The following FAM13C variants were observed in gnomAD, a reference collection of about 807,000 sequenced individuals.
FAM13C encodes the protein family with sequence similarity 13 member C.
In FAM13C, 37 loss-of-function variants were observed where a neutral mutation model predicts 73.2. That is an observed-to-expected ratio of 0.51 (90% CI 0.39 to 0.67). FAM13C has a LOEUF of 0.67. FAM13C is among the 30% of genes least tolerant of loss of function. The pLI, the probability that FAM13C is intolerant of heterozygous loss-of-function variation, is 0.00. For missense variants in FAM13C, 589 were observed against 715.6 expected, an observed-to-expected ratio of 0.82 and a Z score of 2.02; for synonymous variants, 246 against 260.9, an observed-to-expected ratio of 0.94 and a Z score of 0.55.
intron 6 of FAM13C, 104 bp from the exon 7 acceptor site, chr10:59,270,213 C>G: frequency 8.8e-7 from 1 of 1,131,934 alleles, no homozygotes; most frequent in East Asian, 2.5e-5. Context: ...TGGCTTGCCT[C>G]TTTGTCATTT....
At chr10:59,293,896 A>T (rs894703342) in intron 5 of FAM13C, among the ~76,000 whole-genome samples, 1 of 152,234 alleles carries the variant, frequency 6.6e-6, no homozygotes, top group Admixed American at 6.5e-5. Context: ...AAACATTTCA[A>T]AGGTCACAGC....
At chr10:59,348,608 T>C (rs576876361) in intron 3 of FAM13C, among the ~76,000 whole-genome samples, 1 of 152,288 alleles carries the variant, frequency 6.6e-6, no homozygotes, top group East Asian at 1.9e-4. Flanking sequence ...GACTTGCCTA[T>C]TGAGTTTAAT....
At chr10:59,340,799 G>A (rs1354610311) in intron 3 of FAM13C, among the ~76,000 whole-genome samples, 1 of 151,302 alleles carries the variant, frequency 6.6e-6, no homozygotes, top group Non-Finnish European at 1.5e-5. Flanking sequence ...TGGTGCAAAA[G>A]TAACTGCGGT....
At chr10:59,295,438 A>G (rs1012095793) in intron 5 of FAM13C, among the ~76,000 whole-genome samples, 3 of 152,208 alleles carry the variant, frequency 2.0e-5, no homozygotes, top group African/African-American at 7.2e-5. Flanking sequence ...CTAGAAGCTG[A>G]GAGCTGCCCT....
At chr10:59,341,390 C>T (rs980800265) in intron 3 of FAM13C, among the ~76,000 whole-genome samples, 2 of 152,054 alleles carry the variant, frequency 1.3e-5, no homozygotes, top group South Asian at 4.2e-4. Flanking sequence ...CATCTTTGTT[C>T]CTGAAAGAAA....
At chr10:59,348,295 A>T (rs1278889480) in intron 3 of FAM13C, among the ~76,000 whole-genome samples, 1 of 152,220 alleles carries the variant, frequency 6.6e-6, no homozygotes, top group East Asian at 1.9e-4. Context: ...TGTAGCTGCA[A>T]CATAAGCCCA....
intron 3 of FAM13C, among the ~76,000 whole-genome samples, chr10:59,335,642 A>T (rs1564602643): frequency 6.6e-6 from 1 of 152,240 alleles, no homozygotes. Context: ...CCAGTCCCTA[A>T]CAACAGATGC....
intron 3 of FAM13C, among the ~76,000 whole-genome samples, chr10:59,341,477 C>T (rs942632050): frequency 1.3e-5 from 2 of 152,078 alleles, no homozygotes; most frequent in Non-Finnish European, 2.9e-5. Flanking sequence ...CACCTGAGGT[C>T]GGGAGCTCAA....
intron 4 of FAM13C, chr10:59,323,373 G>T (rs1850606926): frequency 6.5e-6 from 1 of 153,098 alleles, no homozygotes. Context: ...TCTCCAGCAG[G>T]TCTAGCAGGC....
At chr10:59,298,294 G>A (rs573284658) in intron 5 of FAM13C, among the ~76,000 whole-genome samples, 2 of 152,306 alleles carry the variant, frequency 1.3e-5, no homozygotes, top group East Asian at 3.9e-4. Context: ...TTGGCTTGTG[G>A]CTGACCTTAC....
chr10:59,333,716 TTTTA>T (rs10574164), intron 3 of FAM13C, among the ~76,000 whole-genome samples: 6,500 of 152,260 alleles, frequency 0.043, 452 homozygotes, highest in African/African-American at 0.14. Flanking sequence ...CCCTTGTTTG[TTTTA>T]TTTAGTTTAG....
chr10:59,317,281 C>T (rs1849656240), intron 4 of FAM13C, among the ~76,000 whole-genome samples: 1 of 151,986 alleles, frequency 6.6e-6, no homozygotes, highest in African/African-American at 2.4e-5. Context: ...ATTCTAGTCG[C>T]CTCAGGCACA....
chr10:59,261,336 T>C (rs1298136239), intron 10 of FAM13C, among the ~76,000 whole-genome samples: 1 of 152,130 alleles, frequency 6.6e-6, no homozygotes, highest in African/African-American at 2.4e-5. Context: ...TTTCTACTTG[T>C]AGATCACAAG....
chr10:59,256,046 A>G (rs1270407194), intron 10 of FAM13C, among the ~76,000 whole-genome samples: 1 of 152,186 alleles, frequency 6.6e-6, no homozygotes, highest in Non-Finnish European at 1.5e-5. Flanking sequence ...CTCCCTCTGT[A>G]GAAGCCTGTT....
At chr10:59,289,343 A>T (rs559536850) in intron 5 of FAM13C, among the ~76,000 whole-genome samples, 7 of 152,206 alleles carry the variant, frequency 4.6e-5, no homozygotes, top group African/African-American at 1.2e-4. Context: ...GAGACCCCTG[A>T]TCTACACCAC....
chr10:59,283,530 A>C, intron 5 of FAM13C, 83 bp from the exon 6 acceptor site: 1 of 1,374,950 alleles, frequency 7.3e-7, no homozygotes, highest in Non-Finnish European at 1.0e-6. Flanking sequence ...AAAGCAGAAC[A>C]TGAGGCCAGC....
chr10:59,308,609 C>CCAG, intron 4 of FAM13C, among the ~76,000 whole-genome samples: 1 of 152,148 alleles, frequency 6.6e-6, no homozygotes, highest in Non-Finnish European at 1.5e-5. Context: ...ATCACCATCA[C>CCAG]CACCACCAGC....
At chr10:59,288,533 T>G (rs1564529668) in intron 5 of FAM13C, among the ~76,000 whole-genome samples, 2 of 152,180 alleles carry the variant, frequency 1.3e-5, no homozygotes, top group Non-Finnish European at 2.9e-5. Context: ...CATCTTCCTC[T>G]GCCACTTTCT....
chr10:59,260,357 G>C (rs756263083), intron 10 of FAM13C, among the ~76,000 whole-genome samples: 7 of 152,008 alleles, frequency 4.6e-5, no homozygotes, highest in African/African-American at 1.7e-4. Context: ...CTGTGTGATG[G>C]GTTCTAATCT....
Sources: gnomAD v4.1 joint callset for allele counts (sites outside exome capture counted in the v4.1 genomes callset) on GRCh38, gnomAD v4.1.1 for gene constraint, MANE v1.5 for transcripts, NCBI Gene and HGNC (gene_info 2026-07-23, HGNC 2026-07-21) for gene names.